The following THRB variants were observed in gnomAD, a reference collection of about 807,000 sequenced individuals.
THRB encodes thyroid hormone receptor beta.
In THRB, 12 loss-of-function variants were observed where a neutral mutation model predicts 47.8. The observed-to-expected ratio is 0.25, with a 90% confidence interval of 0.16 to 0.41. The LOEUF (loss-of-function observed/expected upper bound fraction) is 0.41, where lower values mean the gene tolerates loss of function less well. Ranked by LOEUF, THRB falls within the 10% of genes least tolerant of loss-of-function variation. The probability of loss-of-function intolerance (pLI) is 1.00; values close to 1 mark genes in which losing one functional copy is unlikely to be tolerated. For missense variants in THRB, 348 were observed against 589.2 expected, an observed-to-expected ratio of 0.59 and a Z score of 4.24; for synonymous variants, 218 against 212.2, an observed-to-expected ratio of 1.03 and a Z score of -0.24.
rs1352914368 is a variant in THRB, at chr3:24,494,733, T to C, written c.-342A>G. On this transcript the variant is annotated 5_prime_UTR_variant, in exon 1 of 11. Coordinates refer to ENST00000646209, the MANE Select transcript of THRB (RefSeq NM_001354712.2). ...GTTGAGCGCCCCTGCCCGGGGAAGG[T>C]AGCCTGCGGGCTCTTGCCCCGAGCC... 2 of 151,792 alleles carry C rather than the reference T, an allele frequency of 1.3e-5. No homozygotes were observed. The highest frequency in any genetic ancestry group is 2.9e-5 in the Non-Finnish European group (2 of 68,044). The allele number at this position is 151,792 out of a possible 1,614,324, so 9.4% of individuals were successfully genotyped here. A position where few individuals can be genotyped will look rare whatever the true frequency, so the allele number is the denominator to read the frequency against.
At position 24,261,621 on chromosome 3, in the gene THRB, T is replaced by G. The variant is rs555200908; in HGVS notation, c.-42-32620A>C. On this transcript the variant is annotated intron_variant, in intron 3 of 10. Coordinates refer to ENST00000646209, the MANE Select transcript of THRB (RefSeq NM_001354712.2). ...TTGTCCTTACTCCCTGATTCCAATTTCTTTCCTGCCTTTTTCTCTGAAAGT... is the reference window on the plus strand; with the variant it reads ...TTGTCCTTACTCCCTGATTCCAATTGCTTTCCTGCCTTTTTCTCTGAAAGT... Among the ~76,000 whole-genome samples the G allele has an allele frequency of 5.3e-5, 8 of 152,254 alleles. No homozygotes were observed. The South Asian group carries it at 1.7e-3, about 32-fold the overall frequency.
intron 2 of THRB, among the ~76,000 whole-genome samples, chr3:24,310,898 C>T (rs913604809): frequency 6.6e-6 from 1 of 152,162 alleles, no homozygotes; most frequent in Non-Finnish European, 1.5e-5. Flanking sequence ...TTTCTCATGG[C>T]AGGACATTGT....
chr3:24,435,441 G>A (rs575769027), intron 1 of THRB, among the ~76,000 whole-genome samples: 1 of 152,096 alleles, frequency 6.6e-6, no homozygotes, highest in South Asian at 2.1e-4. Context: ...GCCAAATGTG[G>A]CAATATGGTC....
intron 1 of THRB, among the ~76,000 whole-genome samples, chr3:24,474,617 A>G (rs1443926273): frequency 6.6e-6 from 1 of 152,224 alleles, no homozygotes; most frequent in East Asian, 1.9e-4. Context: ...AAGGAAAACA[A>G]AATCAAACAA....
chr3:24,135,648 C>T (rs539393855), intron 8 of THRB, among the ~76,000 whole-genome samples: 80 of 151,960 alleles, frequency 5.3e-4, no homozygotes, highest in African/African-American at 1.9e-3. Flanking sequence ...ACCTGTGTTC[C>T]TCCTTTGGTA....
At chr3:24,291,020 C>T (rs1282177445) in intron 3 of THRB, among the ~76,000 whole-genome samples, 1 of 152,056 alleles carries the variant, frequency 6.6e-6, no homozygotes, top group Non-Finnish European at 1.5e-5. Flanking sequence ...CTTAATTAAG[C>T]AAAAAACACT....
At chr3:24,278,391 C>A (rs539856594) in intron 3 of THRB, among the ~76,000 whole-genome samples, 5 of 152,186 alleles carry the variant, frequency 3.3e-5, no homozygotes, top group Admixed American at 3.3e-4. Context: ...AAAAATCAGG[C>A]AGATTTTATT....
intron 1 of THRB, among the ~76,000 whole-genome samples, chr3:24,353,021 T>C (rs1053801931): frequency 2.0e-5 from 3 of 152,154 alleles, no homozygotes; most frequent in Non-Finnish European, 2.9e-5. Context: ...CGATTTTCTC[T>C]TTAATGACAA....
chr3:24,303,450 T>C (rs914612895), intron 2 of THRB, among the ~76,000 whole-genome samples: 2 of 152,230 alleles, frequency 1.3e-5, no homozygotes, highest in South Asian at 4.2e-4. Context: ...GTAGAGGCCA[T>C]CCTCAATCAG....
chr3:24,320,727 A>G (rs941161591), intron 2 of THRB, among the ~76,000 whole-genome samples: 1 of 152,146 alleles, frequency 6.6e-6, no homozygotes, highest in African/African-American at 2.4e-5. Flanking sequence ...AAGGGGGAGG[A>G]CTTTGCTCAA....
At chr3:24,165,045 A>G in intron 5 of THRB, 1 of 756,054 alleles carries the variant, frequency 1.3e-6, no homozygotes, top group Admixed American at 1.7e-5. Context: ...TGAGAATACG[A>G]TGGCGACTGC....
intron 4 of THRB, among the ~76,000 whole-genome samples, chr3:24,203,040 G>T (rs2044785304): frequency 6.6e-6 from 1 of 152,180 alleles, no homozygotes; most frequent in Non-Finnish European, 1.5e-5. Context: ...TTTGAGAGAG[G>T]TTCATCTATT....
At position 24,481,458 on chromosome 3, in the gene THRB, C is replaced by A. The variant is rs923791580; in HGVS notation, c.-261+13194G>T. Among the ~76,000 whole-genome samples the A allele has an allele frequency of 2.0e-5, 3 of 152,116 alleles. No individual in the cohort carries two copies. In the East Asian group the frequency reaches 5.8e-4, roughly 29 times the overall value. ...AACATCAGGAAAGTATTACTCAGCA[C>A]GTACCTGCTGGGCTTGCCTTCTAAC... On this transcript the variant is annotated intron_variant, in intron 1 of 10. Coordinates refer to ENST00000646209, the MANE Select transcript of THRB (RefSeq NM_001354712.2).
At chr3:24,181,615 G>A (rs2683542) in intron 5 of THRB, among the ~76,000 whole-genome samples, 109,547 of 152,182 alleles carry the variant, frequency 0.72, 40,764 homozygotes, top group African/African-American at 0.92. Context: ...TTGACAAACA[G>A]TGAGATAGGT....
chr3:24,146,721 C>T lies in THRB; in HGVS notation c.486G>A (p.Gln162=), dbSNP rs1249370095. ...VIDKVTRNQC[Q]ECRFKKCIYV... ...AGATGCATTTCTTAAAGCGACATTC[C>T]TGGCACTGATTTCGCGTGACTTTGT... The change falls in exon 7 of 11, where the codon CAG becomes CAA. Residue 162 remains glutamine (Q), a synonymous_variant. Transcript: ENST00000646209. 6.2e-7 allele frequency: 1 copy of T among 1,614,152 alleles called. No individual in the cohort carries two copies. Among genetic ancestry groups the T allele is most frequent in the Non-Finnish European group, 8.5e-7 (1 of 1,179,992 alleles).
chr3:24,488,767 C>T (rs534499691), intron 1 of THRB, among the ~76,000 whole-genome samples: 98 of 152,210 alleles, frequency 6.4e-4, no homozygotes, highest in African/African-American at 2.2e-3. Context: ...GGAAAAATAG[C>T]TTTAATAGAC....
At chr3:24,268,106 A>T (rs1170715081) in intron 3 of THRB, among the ~76,000 whole-genome samples, 1 of 152,216 alleles carries the variant, frequency 6.6e-6, no homozygotes, top group Non-Finnish European at 1.5e-5. Context: ...ATTCTGAAAT[A>T]AAGTGAATGG....
At chr3:24,351,372 T>C (rs2063343598) in intron 1 of THRB, among the ~76,000 whole-genome samples, 1 of 152,088 alleles carries the variant, frequency 6.6e-6, no homozygotes, top group Admixed American at 6.6e-5. Context: ...CACATCCTAA[T>C]CCTTTCAAAA....
chr3:24,312,941 G>A (rs1383918747), intron 2 of THRB, among the ~76,000 whole-genome samples: 3 of 152,220 alleles, frequency 2.0e-5, no homozygotes, highest in African/African-American at 7.2e-5. Flanking sequence ...ACATTTCAAA[G>A]GGAGGATGGT....
Sources: allele counts gnomAD v4.1 joint callset (sites outside exome capture counted in the v4.1 genomes callset), GRCh38; gene constraint gnomAD v4.1.1; transcripts MANE v1.5; gene names NCBI Gene and HGNC (gene_info 2026-07-23, HGNC 2026-07-21).